The following DDI2 variants were observed in gnomAD, a reference collection of about 807,000 sequenced individuals.
The protein encoded by DDI2 is DDI proteasomal shuttling factor 2.
In DDI2, 5 loss-of-function variants were observed where a neutral mutation model predicts 48.1. That is an observed-to-expected ratio of 0.10 (90% CI 0.05 to 0.22). The LOEUF is 0.22. Among genes scored for constraint, DDI2 ranks in the 10% least tolerant of loss-of-function variants. The probability of loss-of-function intolerance (pLI) is 1.00; values close to 1 mark genes in which losing one functional copy is unlikely to be tolerated. For missense variants in DDI2, 285 were observed against 506.2 expected (o/e 0.56, Z 4.19); for synonymous variants, 205 against 183.6 (o/e 1.12, Z -0.94).
At chr1:15,621,697 A>G (rs576215086) in intron 1 of DDI2, among the ~76,000 whole-genome samples, 1 of 152,018 alleles carries the variant, frequency 6.6e-6, no homozygotes. Flanking sequence ...CAAATTGATA[A>G]TTTTAAAGGC....
chr1:15,628,257 G>A (rs1330490850), intron 2 of DDI2, among the ~76,000 whole-genome samples: 1 of 152,064 alleles, frequency 6.6e-6, no homozygotes, highest in Non-Finnish European at 1.5e-5. Flanking sequence ...ATGTTTTTCT[G>A]GCTGGTATAG....
chr1:15,656,712 C>A, intron 9 of DDI2, 33 bp downstream of exon 9: 1 of 1,612,690 alleles, frequency 6.2e-7, no homozygotes, highest in Non-Finnish European at 8.5e-7. Context: ...GCCTTCCATC[C>A]AGTTGTCATC....
intron 2 of DDI2, among the ~76,000 whole-genome samples, chr1:15,629,331 C>G (rs1266531218): frequency 2.0e-5 from 3 of 152,152 alleles, no homozygotes; most frequent in African/African-American, 7.2e-5. Context: ...CACAGTGGCT[C>G]ACACTTATAA....
chr1:15,637,555 A>G (rs561611331), intron 4 of DDI2, among the ~76,000 whole-genome samples: 129 of 152,080 alleles, frequency 8.5e-4, no homozygotes, highest in African/African-American at 2.9e-3. Context: ...ATTAGTAGAG[A>G]TGGGGTTTCA....
chr1:15,638,872 G>C (rs1639965415), intron 5 of DDI2, among the ~76,000 whole-genome samples: 1 of 152,060 alleles, frequency 6.6e-6, no homozygotes, highest in African/African-American at 2.4e-5. Context: ...GTTGGTATTA[G>C]GTTTCTTTCT....
At chr1:15,632,235 A>T (rs543990796) in intron 3 of DDI2, among the ~76,000 whole-genome samples, 54 of 152,276 alleles carry the variant, frequency 3.5e-4, no homozygotes, top group African/African-American at 1.3e-3. Flanking sequence ...AAAGATGGTG[A>T]TGATGGGGCA....
intron 1 of DDI2, 141 bp downstream of exon 1, chr1:15,617,949 G>A (rs1639589867): frequency 7.7e-7 from 1 of 1,294,196 alleles, no homozygotes; most frequent in East Asian, 2.9e-5. Flanking sequence ...CCCGCATCCG[G>A]AAAGGAGCTG....
rs184663763 is a variant in DDI2 at position 15,626,617 on chromosome 1, G to A, written c.139-52G>A. 5.2e-5 allele frequency: 84 copies of A among 1,607,790 alleles called. 1 individual carries two copies. The South Asian group carries it at 8.1e-4, about 15-fold the overall frequency. On this transcript the variant is annotated intron_variant, in intron 1 of 9. Coordinates refer to ENST00000480945, the MANE Select transcript of DDI2 (RefSeq NM_032341.5). ...GGGAAAACTGGTCCTTCTGCCTTGC[G>A]CTGTGTTACTTCTCAGTGCTTTATA...
intron 1 of DDI2, among the ~76,000 whole-genome samples, chr1:15,624,167 G>C (rs779809178): frequency 6.6e-6 from 1 of 152,238 alleles, no homozygotes; most frequent in Non-Finnish European, 1.5e-5. Context: ...TTAAAGAGTA[G>C]GTTGTTGACA....
rs1045444033 is a variant in DDI2 at position 15,660,313 on chromosome 1, G to A, written c.*523G>A. 2.4e-5 allele frequency: 38 copies of A among 1,614,052 alleles called. No homozygotes were observed. The highest frequency in any genetic ancestry group is 2.9e-5 in the Non-Finnish European group (34 of 1,180,044). ...GCATGAACCACAGATGTTTCTAGGT[G>A]AAAAGGATTGGCATCCAGAAAATCA... On this transcript the variant is annotated 3_prime_UTR_variant, in exon 10 of 10. Transcript: ENST00000480945.
intron 1 of DDI2, among the ~76,000 whole-genome samples, chr1:15,619,128 T>C (rs7523433): frequency 8.4e-4 from 128 of 152,282 alleles, no homozygotes; most frequent in African/African-American, 2.9e-3. Context: ...TCTTTTTTTG[T>C]TTTTGTTTTT....
intron 4 of DDI2, among the ~76,000 whole-genome samples, chr1:15,634,946 T>C: frequency 6.6e-6 from 1 of 152,162 alleles, no homozygotes; most frequent in Non-Finnish European, 1.5e-5. Context: ...CTCTTCTTAC[T>C]ACATTTGAAA....
At chr1:15,631,155 T>G (rs1325589005) in intron 3 of DDI2, among the ~76,000 whole-genome samples, 1 of 152,116 alleles carries the variant, frequency 6.6e-6, no homozygotes, top group Non-Finnish European at 1.5e-5. Context: ...TACCGATATT[T>G]TAACCTTAGT....
At chr1:15,650,519 A>G (rs1640160948) in intron 7 of DDI2, among the ~76,000 whole-genome samples, 1 of 152,044 alleles carries the variant, frequency 6.6e-6, no homozygotes, top group African/African-American at 2.4e-5. Flanking sequence ...CCAAGGAGGG[A>G]GGATTGCTTG....
intron 1 of DDI2, among the ~76,000 whole-genome samples, chr1:15,625,248 G>T (rs6697813): frequency 0.21 from 31,205 of 152,006 alleles, 3,346 homozygotes; most frequent in Middle Eastern, 0.26. Context: ...ACATGGGAAG[G>T]GTGAGGTCTG....
chr1:15,620,573 T>C (rs2103459175), intron 1 of DDI2, among the ~76,000 whole-genome samples: 1 of 152,154 alleles, frequency 6.6e-6, no homozygotes, highest in East Asian at 1.9e-4. Context: ...GAAATATATA[T>C]ATTTTTATGT....
At chr1:15,646,368 C>G (rs895601935) in intron 6 of DDI2, among the ~76,000 whole-genome samples, 4 of 152,136 alleles carry the variant, frequency 2.6e-5, no homozygotes, top group African/African-American at 9.7e-5. Context: ...CCTGTGGTCT[C>G]TACTATTATA....
intron 6 of DDI2, among the ~76,000 whole-genome samples, chr1:15,646,766 A>G (rs1640098651): frequency 6.6e-6 from 1 of 152,174 alleles, no homozygotes; most frequent in Non-Finnish European, 1.5e-5. Context: ...ATGTAGATAA[A>G]TGCATGTGTT....
chr1:15,626,730 A>C lies in DDI2; in HGVS notation c.200A>C (p.Lys67Thr). ...AGATCATTGGCTTCTTATGGCTTGAAAGATGGGGACGTTGTGATTTTACGA... is the reference window on the plus strand; with the variant it reads ...AGATCATTGGCTTCTTATGGCTTGACAGATGGGGACGTTGTGATTTTACGA... ...NHRSLASYGL[K>T]DGDVVILRQK... is the part of the protein sequence containing the mutation. Residue 67 changes from lysine (K) to threonine (T), a missense_variant, in exon 2 of 10, where the codon AAA (lysine) becomes ACA (threonine). Around this residue, in one of 3 missense-constraint regions of DDI2, gnomAD observed 149 missense variants for 236.5 expected, o/e 0.63. Transcript: ENST00000480945. The C allele has an allele frequency of 6.2e-7, 1 of 1,614,198 alleles. No homozygotes were observed. Among genetic ancestry groups the C allele is most frequent in the Admixed American group, 1.7e-5 (1 of 60,012 alleles).
Sources: gnomAD v4.1 joint callset for allele counts (sites outside exome capture counted in the v4.1 genomes callset) on GRCh38, gnomAD v4.1.1 for gene constraint, gnomAD v4.1.1 regional missense constraint, MANE v1.5 for transcripts, NCBI Gene and HGNC (gene_info 2026-07-23, HGNC 2026-07-21) for gene names.